Variants in NRG1 observed in about 807,000 individuals in gnomAD.
The protein encoded by NRG1 is pro-neuregulin-1, membrane-bound isoform.
Under a neutral mutation model 63.8 loss-of-function variants are expected in NRG1, and 18 were observed. The observed-to-expected ratio is 0.28, with a 90% confidence interval of 0.19 to 0.42. The LOEUF is 0.42. Ranked by LOEUF, NRG1 falls within the 10% of genes least tolerant of loss-of-function variation. NRG1 has a pLI of 1.00. For synonymous variants in NRG1, 302 were observed against 301.3 expected, an observed-to-expected ratio of 1.00 and a Z score of -0.02; for missense variants, 762 against 814.7, an observed-to-expected ratio of 0.94 and a Z score of 0.79.
At chr8:32,409,571 G>A (rs1174767067) in intron 1 of NRG1, among the ~76,000 whole-genome samples, 1 of 152,154 alleles carries the variant, frequency 6.6e-6, no homozygotes, top group Non-Finnish European at 1.5e-5. Context: ...AACAGAATGA[G>A]GACATGAGCC....
At chr8:32,136,976 G>A in intron 1 of NRG1, among the ~76,000 whole-genome samples, 1 of 152,048 alleles carries the variant, frequency 6.6e-6, no homozygotes, top group East Asian at 1.9e-4. Context: ...TATACTTTCA[G>A]GGTATATAAG....
chr8:32,682,890 C>A (rs1426693955), intron 5 of NRG1, among the ~76,000 whole-genome samples: 1 of 151,916 alleles, frequency 6.6e-6, no homozygotes, highest in Non-Finnish European at 1.5e-5. Flanking sequence ...TAAGAAAATT[C>A]CTAGATAAAC....
At chr8:31,992,909 C>CA (rs565486823) in intron 1 of NRG1, among the ~76,000 whole-genome samples, 1 of 151,650 alleles carries the variant, frequency 6.6e-6, no homozygotes, top group South Asian at 2.1e-4. Flanking sequence ...GGCTCTCTTC[C>CA]AAAAAAATAA....
intron 1 of NRG1, among the ~76,000 whole-genome samples, chr8:32,150,867 G>A (rs1300307794): frequency 2.0e-5 from 3 of 152,232 alleles, no homozygotes; most frequent in African/African-American, 4.8e-5. Context: ...CTGTTTCATT[G>A]TGGTCAAAAC....
At chr8:31,952,166 G>C (rs771952674) in intron 1 of NRG1, among the ~76,000 whole-genome samples, 12 of 152,100 alleles carry the variant, frequency 7.9e-5, no homozygotes, top group Non-Finnish European at 1.5e-4. Context: ...GAAATGATTT[G>C]GCATAGGCTT....
chr8:31,909,499 C>G (rs1297644284), intron 1 of NRG1, among the ~76,000 whole-genome samples: 5 of 152,168 alleles, frequency 3.3e-5, no homozygotes, highest in African/African-American at 1.2e-4. Context: ...AGATGACTTT[C>G]AGTCTAGTTT....
chr8:31,782,273 G>T (rs1252604644), intron 1 of NRG1, among the ~76,000 whole-genome samples: 1 of 152,022 alleles, frequency 6.6e-6, no homozygotes, highest in African/African-American at 2.4e-5. Flanking sequence ...TCCTTCCAAT[G>T]GTGCAGGTCT....
chr8:32,324,684 G>A (rs932723875), intron 1 of NRG1, among the ~76,000 whole-genome samples: 14 of 152,086 alleles, frequency 9.2e-5, no homozygotes, highest in African/African-American at 2.9e-4. Context: ...GTCAGAAAAG[G>A]CAAATAAAAA....
At chr8:31,760,468 A>C (rs886871893) in intron 1 of NRG1, among the ~76,000 whole-genome samples, 1 of 152,206 alleles carries the variant, frequency 6.6e-6, no homozygotes, top group African/African-American at 2.4e-5. Flanking sequence ...AATTAAACTA[A>C]AGAGCTTCTG....
chr8:32,564,675 TAATC>T (rs751812829), intron 1 of NRG1, among the ~76,000 whole-genome samples: 4 of 152,234 alleles, frequency 2.6e-5, no homozygotes, highest in Non-Finnish European at 5.9e-5. Flanking sequence ...CAGGGTACTT[TAATC>T]AATCAAGGGT....
chr8:31,751,074 T>C (rs1167657842), intron 1 of NRG1, among the ~76,000 whole-genome samples: 1 of 151,982 alleles, frequency 6.6e-6, no homozygotes, highest in South Asian at 2.1e-4. Context: ...CCCCAAAGTA[T>C]AGATTAAGGC....
chr8:32,761,020 A>T (rs906740100), intron 11 of NRG1: 1 of 982,804 alleles, frequency 1.0e-6, no homozygotes, highest in African/African-American at 1.7e-5. Flanking sequence ...TGGTTTTCAA[A>T]GCAGATACTG....
intron 1 of NRG1, among the ~76,000 whole-genome samples, chr8:32,477,299 T>G (rs1257379224): frequency 6.6e-6 from 1 of 152,146 alleles, no homozygotes; most frequent in Non-Finnish European, 1.5e-5. Flanking sequence ...GTTCATCGTA[T>G]TCGCCTCTGT....
intron 1 of NRG1, among the ~76,000 whole-genome samples, chr8:31,783,403 T>C (rs1005056910): frequency 6.6e-6 from 1 of 152,130 alleles, no homozygotes; most frequent in Non-Finnish European, 1.5e-5. Context: ...ATTTAAATGC[T>C]TGGAACACAC....
chr8:32,245,275 T>A (rs1848495546), intron 1 of NRG1, among the ~76,000 whole-genome samples: 2 of 152,172 alleles, frequency 1.3e-5, no homozygotes, highest in Middle Eastern at 3.2e-3. Context: ...CAGATGTTAT[T>A]TTTCAGTGAC....
chr8:32,704,056 G>A (rs572851999), intron 5 of NRG1, among the ~76,000 whole-genome samples: 27 of 152,302 alleles, frequency 1.8e-4, no homozygotes, highest in South Asian at 1.7e-3. Flanking sequence ...CAGTAACAAA[G>A]AATGAGTCAG....
intron 1 of NRG1, among the ~76,000 whole-genome samples, chr8:31,975,250 G>C (rs1807973183): frequency 6.6e-6 from 1 of 152,154 alleles, no homozygotes; most frequent in African/African-American, 2.4e-5. Flanking sequence ...CACAATGACA[G>C]AACTACAAGA....
Position 32,617,036 on chromosome 8 carries a change from G to A in NRG1, c.502+151G>A, listed in dbSNP as rs1847496829. The A allele has an allele frequency of 2.5e-5, 16 of 632,168 alleles. No homozygotes were observed. The South Asian group carries it at 2.8e-4, about 11-fold the overall frequency. The allele number at this position is 632,168 out of a possible 1,614,324, so 39.2% of individuals were successfully genotyped here. ...GTATTTGCTGTTTGGAGTAGAAATGGCCTCCTAATATGCTTAAGGACAACT... is the reference window on the plus strand; with the variant it reads ...GTATTTGCTGTTTGGAGTAGAAATGACCTCCTAATATGCTTAAGGACAACT... On this transcript the variant is annotated intron_variant, in intron 5 of 11. Transcript: ENST00000356819.
intron 1 of NRG1, among the ~76,000 whole-genome samples, chr8:31,739,161 C>T (rs138302451): frequency 2.4e-4 from 37 of 152,130 alleles, no homozygotes; most frequent in African/African-American, 8.7e-4. Flanking sequence ...ATTACCTTTA[C>T]CCTTTCTCTT....
Sources: gnomAD v4.1 joint callset for allele counts (sites outside exome capture counted in the v4.1 genomes callset) on GRCh38, gnomAD v4.1.1 for gene constraint, MANE v1.5 for transcripts, NCBI Gene and HGNC (gene_info 2026-07-23, HGNC 2026-07-21) for gene names.